ARHGEF3: variants seen among roughly 807,000 people sequenced by gnomAD.
ARHGEF3 encodes Rho guanine nucleotide exchange factor 3, also known as 59.8 kDA protein.
In ARHGEF3, 28 loss-of-function variants were observed where a neutral mutation model predicts 63.2. The observed-to-expected ratio is 0.44, with a 90% CI of 0.33 to 0.61. The LOEUF (loss-of-function observed/expected upper bound fraction) is 0.61, where lower values mean the gene tolerates loss of function less well. Ranked by LOEUF, ARHGEF3 falls within the 20% of genes least tolerant of loss-of-function variation. ARHGEF3 has a pLI of 0.03. For synonymous variants in ARHGEF3, 266 were observed against 254.2 expected (o/e 1.05, Z -0.44); for missense variants, 533 against 659.3 (o/e 0.81, Z 2.10).
At chr3:56,986,901 G>A (rs1329270747) in intron 2 of ARHGEF3, among the ~76,000 whole-genome samples, 2 of 152,092 alleles carry the variant, frequency 1.3e-5, no homozygotes, top group Non-Finnish European at 2.9e-5. Context: ...TCCTTACTGC[G>A]GGTGAAGTGA....
chr3:56,994,541 G>GATTTCCCTTTTCCCTCTTGGAAAAGGA (rs1701898113), intron 2 of ARHGEF3, among the ~76,000 whole-genome samples: 1 of 152,092 alleles, frequency 6.6e-6, no homozygotes, highest in African/African-American at 2.4e-5. Context: ...TTGGAAAAGG[G>GATTTCCCTTTTCCCTCTTGGAAAAGGA]ATTTCCCTTT....
chr3:56,808,046 C>T (rs2037927619), intron 4 of ARHGEF3, among the ~76,000 whole-genome samples: 1 of 151,700 alleles, frequency 6.6e-6, no homozygotes, highest in Admixed American at 6.6e-5. Flanking sequence ...ATCACTTGAA[C>T]CTGGGAGGCA....
intron 2 of ARHGEF3, among the ~76,000 whole-genome samples, chr3:57,009,864 A>C (rs998312115): frequency 1.3e-5 from 2 of 152,220 alleles, no homozygotes; most frequent in African/African-American, 2.4e-5. Context: ...GCAGCAACAC[A>C]GCATGACAGC....
At chr3:56,787,735 T>TA (rs202071491) in intron 1 of ARHGEF3, among the ~76,000 whole-genome samples, 1 of 150,540 alleles carries the variant, frequency 6.6e-6, no homozygotes, top group South Asian at 2.1e-4. Flanking sequence ...ATAATAATAA[T>TA]ATAATAGCAA....
intron 4 of ARHGEF3, among the ~76,000 whole-genome samples, chr3:56,838,857 C>A (rs1327585487): frequency 6.6e-6 from 1 of 152,146 alleles, no homozygotes; most frequent in African/African-American, 2.4e-5. Flanking sequence ...TGGCCGGGTG[C>A]AGTGGCTCAT....
intron 2 of ARHGEF3, chr3:57,035,054 T>C (rs1703894710): frequency 6.7e-7 from 1 of 1,497,548 alleles, no homozygotes; most frequent in Non-Finnish European, 8.9e-7. Flanking sequence ...AATTTTAAAA[T>C]TTTTAATTAT....
chr3:56,914,931 T>C (rs1389560657), intron 3 of ARHGEF3, among the ~76,000 whole-genome samples: 1 of 152,138 alleles, frequency 6.6e-6, no homozygotes, highest in Admixed American at 6.5e-5. Context: ...GTGGTGATGG[T>C]TGCACAACAT....
intron 3 of ARHGEF3, among the ~76,000 whole-genome samples, chr3:56,947,420 G>A (rs976315057): frequency 6.6e-6 from 1 of 152,126 alleles, no homozygotes; most frequent in Non-Finnish European, 1.5e-5. Flanking sequence ...TCAAAATAAA[G>A]GGATGGAGGA....
At chr3:56,823,802 C>T (rs1173150015) in intron 4 of ARHGEF3, among the ~76,000 whole-genome samples, 1 of 151,948 alleles carries the variant, frequency 6.6e-6, no homozygotes, top group Non-Finnish European at 1.5e-5. Context: ...TAATTATCAC[C>T]TGAAAAAGGC....
chr3:56,827,758 AAAAAAAAAAAAAAAACAGAAAAG>A (rs1412515520), intron 4 of ARHGEF3, among the ~76,000 whole-genome samples: 1 of 123,438 alleles, frequency 8.1e-6, no homozygotes, highest in Admixed American at 8.1e-5. Context: ...TCTACAAAAA[AAAAAAAAAAAAAAAACAGAAAAG>A]AAAAAAAAAA....
chr3:56,774,911 AAAC>A (rs112631428), intron 1 of ARHGEF3: 19 of 1,111,640 alleles, frequency 1.7e-5, no homozygotes, highest in South Asian at 3.9e-5. Context: ...ACAAACAAAC[AAAC>A]AACAACAACA....
At chr3:56,738,908 T>G (rs920825804) in intron 7 of ARHGEF3, among the ~76,000 whole-genome samples, 6 of 151,750 alleles carry the variant, frequency 4.0e-5, no homozygotes, top group African/African-American at 1.5e-4. Context: ...CTGGCCAACA[T>G]GGTGAACGCT....
intron 2 of ARHGEF3, among the ~76,000 whole-genome samples, chr3:57,021,520 G>A (rs777878718): frequency 6.6e-6 from 1 of 152,112 alleles, no homozygotes; most frequent in Non-Finnish European, 1.5e-5. Flanking sequence ...CACTTTGGGA[G>A]GCCGAGGCAG....
chr3:56,847,975 C>G (rs1364433799), intron 4 of ARHGEF3, among the ~76,000 whole-genome samples: 1 of 152,262 alleles, frequency 6.6e-6, no homozygotes, highest in East Asian at 1.9e-4. Flanking sequence ...GAAGGCACAG[C>G]TCCTGCCTTT....
At chr3:56,770,000 C>T (rs1320846829) in intron 2 of ARHGEF3, among the ~76,000 whole-genome samples, 1 of 152,154 alleles carries the variant, frequency 6.6e-6, no homozygotes, top group African/African-American at 2.4e-5. Context: ...CTCTGTTTCT[C>T]CCTTATTGGA....
rs533688691 is a variant in ARHGEF3 at position 57,053,219 on chromosome 3, GGATAA to G, written c.-27-18048_-27-18044del. Reference sequence around the variant, plus strand: ...CCCTCTCAAGCGCCTGCTCTCTTTAGGATAAGGATTGTGCCAGGGACGGGTGATGG... The same window carrying G: ...CCCTCTCAAGCGCCTGCTCTCTTTAGGGATTGTGCCAGGGACGGGTGATGG... On this transcript the variant is annotated intron_variant, in intron 1 of 12. Coordinates refer to the ARHGEF3 transcript ENST00000338458. Among the ~76,000 whole-genome samples, 146 of 152,178 alleles carry G rather than the reference GGATAA, an allele frequency of 9.6e-4. 1 individual carries two copies. Among genetic ancestry groups the G allele is most frequent in the Non-Finnish European group, 2.8e-4 (19 of 68,038 alleles).
intron 4 of ARHGEF3, among the ~76,000 whole-genome samples, chr3:56,829,272 C>T (rs12489603): frequency 0.17 from 25,848 of 152,020 alleles, 2,542 homozygotes; most frequent in East Asian, 0.38. Flanking sequence ...CCAGGGCCTG[C>T]GGAAGACATG....
chr3:57,047,858 T>C (rs1255678463), intron 1 of ARHGEF3, among the ~76,000 whole-genome samples: 3 of 151,996 alleles, frequency 2.0e-5, no homozygotes, highest in Admixed American at 2.0e-4. Flanking sequence ...CTGGGATGCT[T>C]GAGCAAACAG....
chr3:57,041,885 C>T (rs1704199159), intron 1 of ARHGEF3, among the ~76,000 whole-genome samples: 2 of 152,162 alleles, frequency 1.3e-5, no homozygotes, highest in African/African-American at 4.8e-5. Context: ...GCCACCCGCT[C>T]CAGATGACCT....
Sources: allele counts gnomAD v4.1 joint callset (sites outside exome capture counted in the v4.1 genomes callset), GRCh38; gene constraint gnomAD v4.1.1; transcripts MANE v1.5; gene names NCBI Gene and HGNC (gene_info 2026-07-23, HGNC 2026-07-21).